Variants in DAB1 observed in about 807,000 individuals in gnomAD.
The protein encoded by DAB1 is DAB adaptor protein 1.
DAB1 carries 15 observed loss-of-function variants against 64.6 expected under a neutral mutation model. That is an observed-to-expected ratio of 0.23 (90% CI 0.16 to 0.36). The LOEUF is 0.36. DAB1 is among the 10% of genes least tolerant of loss of function. The probability of loss-of-function intolerance (pLI) is 1.00; values close to 1 mark genes in which losing one functional copy is unlikely to be tolerated. For synonymous variants in DAB1, 235 were observed against 251.9 expected (o/e 0.93, Z 0.64); for missense variants, 596 against 706.7 (o/e 0.84, Z 1.78).
intron 1 of DAB1, among the ~76,000 whole-genome samples, chr1:57,345,085 T>C (rs973650038): frequency 6.6e-6 from 1 of 152,180 alleles, no homozygotes; most frequent in African/African-American, 2.4e-5. Context: ...TCAGGATGAT[T>C]ATAATCATTA....
intron 4 of DAB1, among the ~76,000 whole-genome samples, chr1:58,167,519 T>G (rs554980462): frequency 6.6e-6 from 1 of 152,210 alleles, no homozygotes; most frequent in Non-Finnish European, 1.5e-5. Context: ...CAGCAGGATG[T>G]GGGCAGGGTC....
chr1:58,019,365 G>A (rs775875310), intron 5 of DAB1, among the ~76,000 whole-genome samples: 4 of 152,072 alleles, frequency 2.6e-5, no homozygotes, highest in South Asian at 2.1e-4. Flanking sequence ...TTGTTCTTTC[G>A]TGTTTATAGC....
At chr1:58,362,623 G>A (rs1644178271) in intron 3 of DAB1, among the ~76,000 whole-genome samples, 1 of 152,096 alleles carries the variant, frequency 6.6e-6, no homozygotes, top group South Asian at 2.1e-4. Context: ...TGAATGTGGG[G>A]GTAGGGGTGG....
intron 4 of DAB1, among the ~76,000 whole-genome samples, chr1:58,214,273 C>G (rs1005928187): frequency 1.3e-5 from 2 of 152,154 alleles, no homozygotes; most frequent in African/African-American, 4.8e-5. Context: ...CTGAACTAGA[C>G]GCCTCACTGA....
chr1:57,376,314 C>A (rs1228101589), intron 1 of DAB1, among the ~76,000 whole-genome samples: 6 of 152,224 alleles, frequency 3.9e-5, no homozygotes, highest in Non-Finnish European at 8.8e-5. Flanking sequence ...TCCAGGCCAT[C>A]CCATCTAGAC....
chr1:57,991,532 C>A (rs1427514435), intron 5 of DAB1, among the ~76,000 whole-genome samples: 1 of 152,008 alleles, frequency 6.6e-6, no homozygotes, highest in Non-Finnish European at 1.5e-5. Context: ...CCATGGGAGG[C>A]CAGCCCAAAG....
chr1:58,472,010 G>GT (rs1439235315), intron 3 of DAB1, among the ~76,000 whole-genome samples: 1 of 152,214 alleles, frequency 6.6e-6, no homozygotes, highest in African/African-American at 2.4e-5. Context: ...TATGCAAAGT[G>GT]TTTAGTAGAG....
chr1:57,439,439 T>TGTTTTTTTTTGTTTTTTTTTG (rs1685844886), intron 7 of DAB1, among the ~76,000 whole-genome samples: 1 of 136,194 alleles, frequency 7.3e-6, no homozygotes, highest in Admixed American at 7.2e-5. Context: ...TTTTTTTTTT[T>TGTTTTTTTTTGTTTTTTTTTG]TTTTTTTTGA....
intron 5 of DAB1, among the ~76,000 whole-genome samples, chr1:58,086,254 C>T (rs578068124): frequency 1.3e-5 from 2 of 152,246 alleles, no homozygotes; most frequent in East Asian, 1.9e-4. Context: ...TGAGCCACCG[C>T]GCCCGGCCTG....
At chr1:57,621,172 AGTGTGT>A (rs141990401) in intron 7 of DAB1, among the ~76,000 whole-genome samples, 1 of 149,808 alleles carries the variant, frequency 6.7e-6, no homozygotes, top group Non-Finnish European at 1.5e-5. Flanking sequence ...CATAAGCTTG[AGTGTGT>A]GTGTGTGTAT....
At chr1:57,504,777 C>T (rs1023745956) in intron 7 of DAB1, among the ~76,000 whole-genome samples, 2 of 152,184 alleles carry the variant, frequency 1.3e-5, no homozygotes, top group African/African-American at 4.8e-5. Flanking sequence ...TCAAGCTCAA[C>T]ATCAACAGTG....
intron 5 of DAB1, among the ~76,000 whole-genome samples, chr1:58,093,697 G>GAAA (rs746501755): frequency 3.1e-5 from 4 of 129,676 alleles, no homozygotes; most frequent in East Asian, 2.2e-4. Context: ...GTTCAAAAGG[G>GAAA]AAAAAAAAAA....
At chr1:57,883,500 A>G (rs1247282746) in intron 1 of DAB1, among the ~76,000 whole-genome samples, 1 of 152,232 alleles carries the variant, frequency 6.6e-6, no homozygotes, top group Non-Finnish European at 1.5e-5. Context: ...GTGCTGTGCA[A>G]AATTGTTTAA....
chr1:57,516,263 G>T (rs1305702280), intron 7 of DAB1, among the ~76,000 whole-genome samples: 1 of 152,032 alleles, frequency 6.6e-6, no homozygotes, highest in Admixed American at 6.6e-5. Context: ...TTTTGCCAGA[G>T]GACAATTAAG....
Position 57,669,231 on chromosome 1 carries a change from GT to G in DAB1, n.552-19567del, listed in dbSNP as rs1299098233. Among the ~76,000 whole-genome samples the G allele has an allele frequency of 1.3e-3, 203 of 152,156 alleles. 1 individual carries two copies. Among genetic ancestry groups the G allele is most frequent in the African/African-American group, 4.2e-3 (173 of 41,518 alleles). ...AAGAAAGATGAGACAGGAAGAGAGA[GT>G]TTTTTTACTGACGGAATCCAATACA... On this transcript the variant is annotated intron_variant and non_coding_transcript_variant, in intron 6 of 20. Coordinates refer to the DAB1 transcript ENST00000485760.
At chr1:57,950,160 G>A (rs1450929074) in intron 5 of DAB1, among the ~76,000 whole-genome samples, 1 of 152,178 alleles carries the variant, frequency 6.6e-6, no homozygotes, top group Admixed American at 6.5e-5. Context: ...TCTGGGACCA[G>A]ACTGGCCTCA....
intron 5 of DAB1, among the ~76,000 whole-genome samples, chr1:58,118,201 G>A (rs997283133): frequency 2.0e-5 from 3 of 151,060 alleles, no homozygotes; most frequent in Admixed American, 6.6e-5. Flanking sequence ...GTGGGCCACC[G>A]CACCCGGTCA....
At chr1:57,479,464 TA>T (rs1191513519) in intron 7 of DAB1, among the ~76,000 whole-genome samples, 1 of 149,248 alleles carries the variant, frequency 6.7e-6, no homozygotes, top group Non-Finnish European at 1.5e-5. Context: ...TTTATATATA[TA>T]AAAATATATA....
At chr1:57,220,789 A>G (rs1666806067) in intron 2 of DAB1, among the ~76,000 whole-genome samples, 1 of 152,058 alleles carries the variant, frequency 6.6e-6, no homozygotes, top group Non-Finnish European at 1.5e-5. Context: ...TAAGAACAAA[A>G]CTGTTGGTGG....
Sources: allele counts gnomAD v4.1 joint callset (sites outside exome capture counted in the v4.1 genomes callset), GRCh38; gene constraint gnomAD v4.1.1; transcripts MANE v1.5; gene names NCBI Gene and HGNC (gene_info 2026-07-23, HGNC 2026-07-21).